DYRK1A: variants seen among roughly 807,000 people sequenced by gnomAD.
DYRK1A encodes the protein dual specificity tyrosine phosphorylation regulated kinase 1A.
A neutral mutation model predicts 79.7 loss-of-function variants in DYRK1A; 9 were observed. That is an observed-to-expected ratio of 0.11 (90% confidence interval 0.07 to 0.20). DYRK1A has a LOEUF of 0.20. Among genes scored for constraint, DYRK1A ranks in the 10% least tolerant of loss-of-function variants. The pLI is 1.00. For missense variants in DYRK1A, 622 were observed against 956.0 expected, an observed-to-expected ratio of 0.65 and a Z score of 4.61; for synonymous variants, 349 against 329.7, an observed-to-expected ratio of 1.06 and a Z score of -0.63.
intron 1 of DYRK1A, among the ~76,000 whole-genome samples, chr21:37,400,893 C>T (rs1246367246): frequency 2.0e-5 from 3 of 152,066 alleles, no homozygotes; most frequent in African/African-American, 7.2e-5. Flanking sequence ...GCCTGTAATC[C>T]CAGCACTTTG....
At chr21:37,390,334 A>G (rs1309861016) in intron 1 of DYRK1A, among the ~76,000 whole-genome samples, 1 of 152,152 alleles carries the variant, frequency 6.6e-6, no homozygotes, top group Admixed American at 6.5e-5. Flanking sequence ...TTTCTACACC[A>G]TTTAAACGTT....
chr21:37,509,937 G>GCTGT (rs913320997), intron 11 of DYRK1A, among the ~76,000 whole-genome samples: 1 of 152,198 alleles, frequency 6.6e-6, no homozygotes, highest in African/African-American at 2.4e-5. Context: ...GAAATCTCAT[G>GCTGT]CTGTCCCACC....
chr21:37,430,289 CAG>C (rs1291173540), intron 2 of DYRK1A: 10 of 966,222 alleles, frequency 1.0e-5, no homozygotes, highest in East Asian at 1.1e-4. Flanking sequence ...ATATTGAAAA[CAG>C]AGAACTATAC....
chr21:37,377,276 C>T (rs950655819), intron 1 of DYRK1A, among the ~76,000 whole-genome samples: 7 of 150,508 alleles, frequency 4.7e-5, no homozygotes, highest in East Asian at 1.9e-4. Flanking sequence ...CCTGCCACCA[C>T]GCCCGGCTAA....
At chr21:37,457,600 A>G (rs2051695659) in intron 2 of DYRK1A, among the ~76,000 whole-genome samples, 1 of 152,162 alleles carries the variant, frequency 6.6e-6, no homozygotes, top group Admixed American at 6.5e-5. Flanking sequence ...GGTATTTTTA[A>G]ATGGAAAATT....
At chr21:37,469,034 G>A (rs760725696) in intron 2 of DYRK1A, among the ~76,000 whole-genome samples, 1 of 152,176 alleles carries the variant, frequency 6.6e-6, no homozygotes, top group Non-Finnish European at 1.5e-5. Flanking sequence ...TTCACGATGT[G>A]ATGTATAAGT....
intron 1 of DYRK1A, among the ~76,000 whole-genome samples, chr21:37,418,516 A>AT (rs1395180556): frequency 2.0e-5 from 3 of 152,180 alleles, no homozygotes; most frequent in African/African-American, 7.2e-5. Flanking sequence ...TGTAAGTAGC[A>AT]TTGTAACATT....
intron 1 of DYRK1A, among the ~76,000 whole-genome samples, chr21:37,411,153 C>T (rs979683445): frequency 2.0e-5 from 3 of 149,534 alleles, no homozygotes; most frequent in South Asian, 2.1e-4. Flanking sequence ...GTCAGGAGTT[C>T]GAGACCAGCT....
At chr21:37,373,611 A>T (rs781488556) in intron 1 of DYRK1A, among the ~76,000 whole-genome samples, 1 of 152,216 alleles carries the variant, frequency 6.6e-6, no homozygotes, top group Non-Finnish European at 1.5e-5. Flanking sequence ...TTTTCTTCAT[A>T]GTACAAGGCA....
chr21:37,402,405 G>A (rs1569294393), intron 1 of DYRK1A, among the ~76,000 whole-genome samples: 1 of 152,044 alleles, frequency 6.6e-6, no homozygotes, highest in African/African-American at 2.4e-5. Context: ...GATACTTTTT[G>A]TCTTTTAGCA....
chr21:37,462,877 A>G (rs1373550469), intron 2 of DYRK1A, among the ~76,000 whole-genome samples: 1 of 152,154 alleles, frequency 6.6e-6, no homozygotes, highest in African/African-American at 2.4e-5. Flanking sequence ...CCAGTGTTTG[A>G]AAACGGTTAT....
chr21:37,520,667 GTTCAC>G lies in DYRK1A; in HGVS notation c.*8141_*8145del, dbSNP rs1443798346. The G allele has an allele frequency of 1.3e-5, 2 of 152,362 alleles. No homozygotes were observed. The highest frequency in any genetic ancestry group is 3.4e-3 in the Middle Eastern group (1 of 294). The allele number at this position is 152,362 out of a possible 1,614,324, so 9.4% of individuals were successfully genotyped here. A position where few individuals can be genotyped will look rare whatever the true frequency, so the allele number is the denominator to read the frequency against. On this transcript the variant is annotated 3_prime_UTR_variant, in exon 12 of 12. Transcript: ENST00000647188. ...AGGGACCTAATCATGGGATTTAACTGTTCACTTCAGGTAGATAAGATATTTCTGGG... is the reference window on the plus strand; with the variant it reads ...AGGGACCTAATCATGGGATTTAACTGTTCAGGTAGATAAGATATTTCTGGG...
intron 1 of DYRK1A, among the ~76,000 whole-genome samples, chr21:37,385,176 T>G (rs2049736110): frequency 6.6e-6 from 1 of 152,156 alleles, no homozygotes; most frequent in South Asian, 2.1e-4. Flanking sequence ...AGCAGTATGT[T>G]TATCTCTTGC....
chr21:37,447,633 C>T (rs2051315930), intron 2 of DYRK1A, among the ~76,000 whole-genome samples: 1 of 152,226 alleles, frequency 6.6e-6, no homozygotes, highest in Non-Finnish European at 1.5e-5. Context: ...AGCTTGCTGA[C>T]CCCTGCTCAG....
intron 1 of DYRK1A, among the ~76,000 whole-genome samples, chr21:37,369,031 G>T (rs1416315574): frequency 1.3e-5 from 2 of 152,086 alleles, no homozygotes; most frequent in African/African-American, 4.8e-5. Context: ...ATTCCTTGAT[G>T]TGTTTTGTAC....
chr21:37,481,047 G>A, intron 5 of DYRK1A: 1 of 440,642 alleles, frequency 2.3e-6, no homozygotes, highest in East Asian at 3.8e-5. Context: ...GCTACCAAGT[G>A]CTCATTTTAC....
Position 37,519,740 on chromosome 21 carries a change from T to TTTTTGTTTTTTTTTTG in DYRK1A, c.*7213_*7214insGTTTTTTTTTTGTTTT, listed in dbSNP as rs1201413333. The TTTTTGTTTTTTTTTTG allele has an allele frequency of 3.8e-4, 41 of 108,160 alleles. No homozygotes were observed. Among genetic ancestry groups the TTTTTGTTTTTTTTTTG allele is most frequent in the African/African-American group, 1.3e-3 (27 of 20,710 alleles). The allele number at this position is 108,160 out of a possible 1,614,324, so 6.7% of individuals were successfully genotyped here. ...TTTTGAGGTTTGTTGTGGGAAGTTT[T>TTTTTGTTTTTTTTTTG]TTTTTTTTTTTTTTTTTTTGAGGCG... On this transcript the variant is annotated 3_prime_UTR_variant, in exon 12 of 12. Transcript: ENST00000647188.
intron 2 of DYRK1A, among the ~76,000 whole-genome samples, chr21:37,447,347 C>CAT (rs544253082): frequency 6.6e-4 from 100 of 152,082 alleles, no homozygotes; most frequent in African/African-American, 2.3e-3. Flanking sequence ...TATAAGTGTA[C>CAT]ATATATATAC....
At chr21:37,473,939 A>G (rs1356044822) in intron 3 of DYRK1A, among the ~76,000 whole-genome samples, 1 of 152,164 alleles carries the variant, frequency 6.6e-6, no homozygotes, top group Non-Finnish European at 1.5e-5. Flanking sequence ...ACCAGAAGAA[A>G]ACTGCCTGGA....
Sources: gnomAD v4.1 joint callset for allele counts (sites outside exome capture counted in the v4.1 genomes callset) on GRCh38, gnomAD v4.1.1 for gene constraint, MANE v1.5 for transcripts, NCBI Gene and HGNC (gene_info 2026-07-23, HGNC 2026-07-21) for gene names.